CCDC33: variants seen among roughly 807,000 people sequenced by gnomAD.
CCDC33 encodes coiled-coil domain-containing protein 33.
A neutral mutation model predicts 91.9 loss-of-function variants in CCDC33; 94 were observed. The observed-to-expected ratio is 1.02, with a 90% CI of 0.87 to 1.21. The LOEUF (loss-of-function observed/expected upper bound fraction) is 1.21. Ranked by LOEUF, CCDC33 falls within the 50% of genes most tolerant of loss-of-function variation. CCDC33 has a pLI of 0.00. For synonymous variants in CCDC33, 396 were observed against 374.5 expected, an observed-to-expected ratio of 1.06 and a Z score of -0.66; for missense variants, 940 against 935.5, an observed-to-expected ratio of 1.00 and a Z score of -0.06.
At chr15:74,243,719 G>C (rs1203770998) in intron 1 of CCDC33, 3 of 506,244 alleles carry the variant, frequency 5.9e-6, no homozygotes, top group South Asian at 4.6e-5. Flanking sequence ...CACTCTGGGA[G>C]GCCGAGGCAG....
chr15:74,286,144 G>T (rs554223109), intron 10 of CCDC33, among the ~76,000 whole-genome samples: 361 of 152,320 alleles, frequency 2.4e-3, no homozygotes, highest in Middle Eastern at 3.4e-3. Context: ...TACTTGGGAG[G>T]CTGAGGCAGG....
intron 11 of CCDC33, among the ~76,000 whole-genome samples, chr15:74,329,720 C>T (rs1289342835): frequency 1.3e-5 from 2 of 152,210 alleles, no homozygotes; most frequent in Non-Finnish European, 2.9e-5. Context: ...TGCCCAGTCA[C>T]CTTCCAAGTG....
At chr15:74,280,182 C>T in intron 8 of CCDC33, 90 bp downstream of exon 8, 5 of 1,479,180 alleles carry the variant, frequency 3.4e-6, no homozygotes, top group Non-Finnish European at 4.6e-6. Context: ...CCTCTGCCTC[C>T]CACAGGGATG....
intron 11 of CCDC33, among the ~76,000 whole-genome samples, chr15:74,317,874 C>T (rs1168536265): frequency 7.5e-6 from 1 of 133,214 alleles, no homozygotes; most frequent in Non-Finnish European, 1.6e-5. Flanking sequence ...GGCGGGCTGG[C>T]TTGTTTGGGT....
chr15:74,294,544 G>A (rs2059643876), intron 10 of CCDC33, among the ~76,000 whole-genome samples: 2 of 152,028 alleles, frequency 1.3e-5, no homozygotes, highest in South Asian at 2.1e-4. Context: ...TCAAGAGTTC[G>A]AGACCAGCCT....
intron 1 of CCDC33, among the ~76,000 whole-genome samples, chr15:74,242,089 G>GGGGCA (rs2075367535): frequency 6.6e-6 from 1 of 152,172 alleles, no homozygotes; most frequent in Admixed American, 6.5e-5. Context: ...AAAACTCCTC[G>GGGGCA]GGGCAGAGCA....
At position 74,333,195 on chromosome 15, in the gene CCDC33, C is replaced by G. The variant is rs148642464; in HGVS notation, c.1938+350C>G. On this transcript the variant is annotated intron_variant, in intron 16 of 18. Transcript: ENST00000398814. ...GGAGCATTCCCTGGTCTTGGTGCAGCCTTGGAGAGCCCTTTTCCATCCCAG... is the reference window on the plus strand; with the variant it reads ...GGAGCATTCCCTGGTCTTGGTGCAGGCTTGGAGAGCCCTTTTCCATCCCAG... 307 of 1,530,946 alleles carry G rather than the reference C, an allele frequency of 2.0e-4. 1 individual carries two copies. The African/African-American group carries it at 3.2e-3, about 16-fold the overall frequency. The allele number at this position is 1,530,946 out of a possible 1,614,324, so 94.8% of individuals were successfully genotyped here.
intron 17 of CCDC33, 21 bp downstream of exon 17, chr15:74,333,988 G>T: frequency 6.2e-7 from 1 of 1,603,334 alleles, no homozygotes; most frequent in Non-Finnish European, 8.5e-7. Flanking sequence ...TGCAGGAGTT[G>T]ATGAGGCTGG....
chr15:74,269,169 T>C (rs944470860), intron 5 of CCDC33, among the ~76,000 whole-genome samples: 2 of 151,638 alleles, frequency 1.3e-5, no homozygotes, highest in African/African-American at 4.9e-5. Flanking sequence ...CCTCTCCCAT[T>C]CCCCCCAACT....
At chr15:74,306,795 C>T (rs752712554) in intron 11 of CCDC33, among the ~76,000 whole-genome samples, 2 of 152,126 alleles carry the variant, frequency 1.3e-5, no homozygotes, top group East Asian at 3.9e-4. Flanking sequence ...GAGATGAGAA[C>T]GAGGTCACTC....
At chr15:74,217,558 A>G (rs1273741300) in exon 1 of CCDC33, 1 of 1,252,560 alleles carries the variant, frequency 8.0e-7, no homozygotes, top group Non-Finnish European at 1.0e-6. Context: ...ACCAGGAGCA[A>G]GTTTATCTTT....
At chr15:74,256,527 G>C (rs902413100) in intron 2 of CCDC33, among the ~76,000 whole-genome samples, 1 of 152,112 alleles carries the variant, frequency 6.6e-6, no homozygotes. Flanking sequence ...ACCTTCCAAG[G>C]GGACTGTCAT....
intron 11 of CCDC33, among the ~76,000 whole-genome samples, chr15:74,308,650 A>C (rs1256478357): frequency 2.0e-5 from 3 of 152,210 alleles, no homozygotes; most frequent in Non-Finnish European, 4.4e-5. Context: ...GCCTTTAGCC[A>C]GCTCTTACTC....
chr15:74,266,660 C>A lies in CCDC33; in HGVS notation c.320-18C>A, dbSNP rs1047967518. 1.9e-6 allele frequency: 3 copies of A among 1,561,930 alleles called. No homozygotes were observed. Among genetic ancestry groups the A allele is most frequent in the Non-Finnish European group, 2.6e-6 (3 of 1,132,562 alleles). ...ATCCATTTAAAAATAAACCTGGGCT[C>A]ATTTTTTCTCTTTCCAGATGTGATC... On this transcript the variant is annotated intron_variant, in intron 3 of 18. Transcript: ENST00000398814.
chr15:74,279,271 C>G (rs2076527575), intron 7 of CCDC33, among the ~76,000 whole-genome samples: 1 of 152,136 alleles, frequency 6.6e-6, no homozygotes, highest in Admixed American at 6.5e-5. Flanking sequence ...AACTTCATAT[C>G]CTGAAGTTAC....
chr15:74,262,275 G>T (rs1215128551), intron 2 of CCDC33, among the ~76,000 whole-genome samples, 165 bp from the exon 3 acceptor site: 1 of 152,302 alleles, frequency 6.6e-6, no homozygotes, highest in South Asian at 2.1e-4. Flanking sequence ...GCTGGCAGGA[G>T]AGCTGGGGGA....
intron 11 of CCDC33, among the ~76,000 whole-genome samples, chr15:74,317,796 C>T (rs1395848854): frequency 1.3e-5 from 2 of 151,658 alleles, no homozygotes; most frequent in Non-Finnish European, 2.9e-5. Flanking sequence ...AGGAGGGGGT[C>T]TCCGCAACCC....
upstream of CCDC33, among the ~76,000 whole-genome samples, chr15:74,214,882 T>G (rs889683433): frequency 1.3e-5 from 2 of 152,268 alleles, no homozygotes; most frequent in African/African-American, 4.8e-5. Context: ...GTTGAATTTC[T>G]TCATCACTTC....
intron 1 of CCDC33, among the ~76,000 whole-genome samples, chr15:74,242,226 G>A (rs2142260025): frequency 6.6e-6 from 1 of 152,208 alleles, no homozygotes; most frequent in East Asian, 1.9e-4. Context: ...TGGGGAAACT[G>A]ACTCTCAGAA....
Sources: allele counts gnomAD v4.1 joint callset (sites outside exome capture counted in the v4.1 genomes callset), GRCh38; gene constraint gnomAD v4.1.1; transcripts MANE v1.5; gene names NCBI Gene and HGNC (gene_info 2026-07-23, HGNC 2026-07-21).